PSD3: variants seen among roughly 807,000 people sequenced by gnomAD.
PSD3 encodes pleckstrin and Sec7 domain containing 3.
PSD3 carries 49 observed loss-of-function variants against 105.5 expected under a neutral mutation model. The ratio of observed to expected loss-of-function variants is 0.46; its 90% CI spans 0.37 to 0.59. PSD3 has a LOEUF of 0.59. Among genes scored for constraint, PSD3 ranks in the 20% least tolerant of loss-of-function variants. The pLI is 0.00. For missense variants in PSD3, 1,561 were observed against 1,263.8 expected, an observed-to-expected ratio of 1.24 and a Z score of -3.57; for synonymous variants, 557 against 457.8, an observed-to-expected ratio of 1.22 and a Z score of -2.77.
At chr8:18,700,085 C>T (rs942507087) in intron 9 of PSD3, among the ~76,000 whole-genome samples, 4 of 152,138 alleles carry the variant, frequency 2.6e-5, no homozygotes, top group Admixed American at 1.3e-4. Context: ...TTCAGTCAAA[C>T]CTTATTTTCA....
At chr8:18,623,453 AAAAAAAAAAAAAAAAAAGAAAAAGG>A (rs1178308217) in intron 11 of PSD3, among the ~76,000 whole-genome samples, 1 of 148,634 alleles carries the variant, frequency 6.7e-6, no homozygotes, top group African/African-American at 2.5e-5. Flanking sequence ...CTCCCCAAAA[AAAAAAAAAAAAAAAAAAGAAAAAGG>A]AAAAAAAAAA....
At chr8:18,917,175 G>A (rs1820677436) in intron 2 of PSD3, among the ~76,000 whole-genome samples, 1 of 152,148 alleles carries the variant, frequency 6.6e-6, no homozygotes, top group Non-Finnish European at 1.5e-5. Context: ...AATCCCTGCA[G>A]TATGTCTCGT....
Position 18,790,518 on chromosome 8 carries a change from G to A in PSD3, c.2082+8777C>T, listed in dbSNP as rs572569555. Among the ~76,000 whole-genome samples the A allele has an allele frequency of 5.9e-5, 9 of 151,986 alleles. No homozygotes were observed. In the East Asian group the frequency reaches 1.6e-3, roughly 26 times the overall value. ...GGGGTTTCACCATGTTAGCCAGGAT[G>A]GTCTCTATCTCCTGACCTCGTGATC... On this transcript the variant is annotated intron_variant, in intron 8 of 15. Transcript: ENST00000327040.
At chr8:19,025,835 G>A (rs1286075580) in intron 1 of PSD3, among the ~76,000 whole-genome samples, 1 of 152,198 alleles carries the variant, frequency 6.6e-6, no homozygotes, top group Admixed American at 6.5e-5. Context: ...TGTCAGAAGT[G>A]TAGTGTGAAT....
At chr8:18,700,017 G>A (rs28547003) in intron 9 of PSD3, among the ~76,000 whole-genome samples, 13,215 of 152,100 alleles carry the variant, frequency 0.087, 1,515 homozygotes, top group African/African-American at 0.27. Flanking sequence ...AAATTCCTGG[G>A]AAAAAATTGG....
chr8:18,931,268 T>C lies in PSD3; in HGVS notation c.130+4766A>G, dbSNP rs184227544. Among the ~76,000 whole-genome samples, 107 of 152,208 alleles carry C rather than the reference T, an allele frequency of 7.0e-4. 1 individual carries two copies. The highest frequency in any genetic ancestry group is 1.5e-4 in the Non-Finnish European group (10 of 68,014). On this transcript the variant is annotated intron_variant, in intron 2 of 15. Coordinates refer to ENST00000327040, the MANE Select transcript of PSD3 (RefSeq NM_015310.4). Reference sequence around the variant, plus strand: ...GAAACCCTGATCTAGTTAATTTTGCTGAAAAGAACCACATTATACTGCAAG... The same window carrying C: ...GAAACCCTGATCTAGTTAATTTTGCCGAAAAGAACCACATTATACTGCAAG...
chr8:18,815,997 C>A (rs1300031993), intron 4 of PSD3, among the ~76,000 whole-genome samples: 1 of 152,116 alleles, frequency 6.6e-6, no homozygotes, highest in Non-Finnish European at 1.5e-5. Flanking sequence ...TAAGACCCTC[C>A]CCTTAGGAAA....
In PSD3 at chr8:18,872,549, G is replaced by A. The variant is rs1351592551; in HGVS notation, c.315C>T (p.Asp105=). ...CATCTTTTGGTCCTTCTGTAACACT[G>A]TCGAGCCCAGAGTGGCAGCCAGTAA... ...QPLTGCHSGL[D]SVTEGPKDVR... The change falls in exon 3 of 16, where the codon GAC becomes GAT. Residue 105 remains aspartate, a synonymous_variant. Transcript: ENST00000327040. The A allele has an allele frequency of 2.5e-6, 4 of 1,614,046 alleles. No homozygotes were observed. The South Asian group carries it at 4.4e-5, about 18-fold the overall frequency.
In PSD3 at chr8:18,915,913, T is replaced by C. The variant is rs146521403; in HGVS notation, c.130+20121A>G. 2.1e-3 allele frequency among the ~76,000 whole-genome samples: 316 copies of C among 152,062 alleles called. 1 individual carries two copies. Among genetic ancestry groups the C allele is most frequent in the Admixed American group, 5.1e-3 (78 of 15,276 alleles). On this transcript the variant is annotated intron_variant, in intron 2 of 15. Transcript: ENST00000327040. ...GAGTTAGAGACCAGCCTGACCAACATGGAGAAACCCTGTCTCTACTAAAAG... is the reference window on the plus strand; with the variant it reads ...GAGTTAGAGACCAGCCTGACCAACACGGAGAAACCCTGTCTCTACTAAAAG...
At chr8:18,714,961 T>G (rs564422943) in intron 9 of PSD3, among the ~76,000 whole-genome samples, 4 of 152,150 alleles carry the variant, frequency 2.6e-5, no homozygotes, top group Non-Finnish European at 5.9e-5. Flanking sequence ...TAAAAAGGAA[T>G]GAGATCATTT....
rs116762939 is a variant in PSD3 at position 19,059,501 on chromosome 8, C to G, written c.324+24705G>C. ...AAGAAACTAGCCCCAGCAATCTAAA[C>G]TTTTAGAAAAGTCTAAGATTTAAGC... is the stretch of plus-strand genomic sequence containing the variant. On this transcript the variant is annotated intron_variant, in intron 1 of 1. Transcript: ENST00000521475. Among the ~76,000 whole-genome samples the G allele has an allele frequency of 1.9e-3, 289 of 152,288 alleles. 2 individuals are homozygous for G. The highest frequency in any genetic ancestry group is 6.7e-3 in the African/African-American group (277 of 41,560).
intron 1 of PSD3, among the ~76,000 whole-genome samples, chr8:19,002,983 C>T (rs1419851976): frequency 6.6e-6 from 1 of 152,044 alleles, no homozygotes; most frequent in African/African-American, 2.4e-5. Flanking sequence ...GTATAACCTA[C>T]CATCCAGGTC....
chr8:18,590,253 AGTTG>A (rs1803497342), intron 12 of PSD3, among the ~76,000 whole-genome samples: 1 of 152,200 alleles, frequency 6.6e-6, no homozygotes, highest in South Asian at 2.1e-4. Flanking sequence ...ATTCCAAAGC[AGTTG>A]ATCATCTCAG....
chr8:19,043,970 C>G (rs1470127156), intron 1 of PSD3, among the ~76,000 whole-genome samples: 1 of 152,200 alleles, frequency 6.6e-6, no homozygotes, highest in African/African-American at 2.4e-5. Context: ...AGCTGCTGAG[C>G]AGCAATCCCA....
intron 11 of PSD3, among the ~76,000 whole-genome samples, chr8:18,618,656 T>C (rs1245348323): frequency 6.6e-6 from 1 of 152,104 alleles, no homozygotes; most frequent in African/African-American, 2.4e-5. Context: ...CCGTATTTGA[T>C]TGCTCTCACC....
In PSD3 at chr8:18,623,934, T is replaced by G. The variant is rs114089674; in HGVS notation, c.2410+8679A>C. Among the ~76,000 whole-genome samples the G allele has an allele frequency of 3.9e-3, 587 of 152,328 alleles. 2 individuals are homozygous for G. Among genetic ancestry groups the G allele is most frequent in the African/African-American group, 0.013 (553 of 41,580 alleles). On this transcript the variant is annotated intron_variant, in intron 11 of 15. Coordinates refer to ENST00000327040, the MANE Select transcript of PSD3 (RefSeq NM_015310.4). ...TTCTTCTGCAAGCCGCTTTTTTTCATTCAACATTACCACTGGTGAGATTCC... is the reference window on the plus strand; with the variant it reads ...TTCTTCTGCAAGCCGCTTTTTTTCAGTCAACATTACCACTGGTGAGATTCC...
intron 4 of PSD3, among the ~76,000 whole-genome samples, chr8:18,865,705 C>T (rs940880760): frequency 1.5e-4 from 23 of 152,212 alleles, no homozygotes; most frequent in Admixed American, 3.3e-4. Context: ...CAAGCTGGCG[C>T]GTCTCCAAGG....
At chr8:18,583,423 C>T (rs1802951189) in intron 12 of PSD3, among the ~76,000 whole-genome samples, 2 of 151,998 alleles carry the variant, frequency 1.3e-5, no homozygotes, top group African/African-American at 4.8e-5. Flanking sequence ...AGAGTGAGAC[C>T]TAGTTTCAAA....
chr8:18,932,668 T>C (rs1365404164), intron 2 of PSD3, among the ~76,000 whole-genome samples: 1 of 152,198 alleles, frequency 6.6e-6, no homozygotes, highest in East Asian at 1.9e-4. Context: ...ACCTACTTAT[T>C]TTTAAAAGTC....
Sources: allele counts gnomAD v4.1 joint callset (sites outside exome capture counted in the v4.1 genomes callset), GRCh38; gene constraint gnomAD v4.1.1; transcripts MANE v1.5; gene names NCBI Gene and HGNC (gene_info 2026-07-23, HGNC 2026-07-21).